WWOX: variants seen among roughly 807,000 people sequenced by gnomAD.
WWOX encodes WW domain containing oxidoreductase.
A neutral mutation model predicts 46.2 loss-of-function variants in WWOX; 69 were observed. The ratio of observed to expected loss-of-function variants is 1.49; its 90% CI spans 1.23 to 1.82. WWOX has a LOEUF of 1.82. Ranked by LOEUF, WWOX falls within the 40% of genes most tolerant of loss-of-function variation. The pLI, the probability that WWOX is intolerant of heterozygous loss-of-function variation, is 0.00. For missense variants in WWOX, 919 were observed against 542.6 expected (o/e 1.69, Z -6.89); for synonymous variants, 359 against 202.6 (o/e 1.77, Z -6.56).
chr16:79,002,404 A>T (rs1293871787), intron 8 of WWOX, among the ~76,000 whole-genome samples: 2 of 151,688 alleles, frequency 1.3e-5, no homozygotes, highest in Non-Finnish European at 2.9e-5. Context: ...TTGTATTTTT[A>T]GTAGAGACAG....
At chr16:78,244,309 A>G (rs1041376433) in intron 5 of WWOX, among the ~76,000 whole-genome samples, 1 of 152,174 alleles carries the variant, frequency 6.6e-6, no homozygotes, top group African/African-American at 2.4e-5. Flanking sequence ...AATGTTAGGG[A>G]TCATAGATGC....
chr16:79,166,984 C>G (rs112877850), intron 8 of WWOX, among the ~76,000 whole-genome samples: 2 of 151,980 alleles, frequency 1.3e-5, no homozygotes, highest in African/African-American at 2.4e-5. Context: ...CTGTGTCATC[C>G]AGGCTGGAGT....
At chr16:78,564,274 G>A (rs1029400610) in intron 8 of WWOX, among the ~76,000 whole-genome samples, 1 of 152,184 alleles carries the variant, frequency 6.6e-6, no homozygotes, top group Non-Finnish European at 1.5e-5. Flanking sequence ...TTGACTCTTC[G>A]GGAGCTGTTG....
chr16:79,054,561 C>T (rs13339251), intron 8 of WWOX, among the ~76,000 whole-genome samples: 14,613 of 152,160 alleles, frequency 0.096, 1,631 homozygotes, highest in African/African-American at 0.27. Context: ...GTGGCTCACA[C>T]CTGTAATCTC....
intron 8 of WWOX, among the ~76,000 whole-genome samples, chr16:78,745,132 G>C (rs532666845): frequency 6.6e-6 from 1 of 152,198 alleles, no homozygotes; most frequent in African/African-American, 2.4e-5. Flanking sequence ...TTAGAGTGGA[G>C]TTTGAATATG....
At chr16:78,629,683 A>G (rs997660430) in intron 8 of WWOX, among the ~76,000 whole-genome samples, 5 of 152,216 alleles carry the variant, frequency 3.3e-5, no homozygotes, top group Admixed American at 2.0e-4. Context: ...GTCTCTGGCT[A>G]GAGTAGTCTT....
intron 8 of WWOX, among the ~76,000 whole-genome samples, chr16:78,513,891 C>A (rs1338423767): frequency 6.9e-6 from 1 of 144,994 alleles, no homozygotes; most frequent in East Asian, 2.0e-4. Context: ...TTACAGTTCC[C>A]ACTCCCCCCC....
chr16:78,309,588 G>T (rs2080199936), intron 5 of WWOX, among the ~76,000 whole-genome samples: 1 of 152,098 alleles, frequency 6.6e-6, no homozygotes. Flanking sequence ...TAAAATCAAG[G>T]TGTAACCCAG....
At chr16:78,369,914 C>G (rs923116518) in intron 5 of WWOX, among the ~76,000 whole-genome samples, 3 of 151,954 alleles carry the variant, frequency 2.0e-5, no homozygotes, top group Admixed American at 6.6e-5. Context: ...GGGAGGATCA[C>G]ATAAGGCCAG....
intron 8 of WWOX, among the ~76,000 whole-genome samples, chr16:78,969,108 C>T (rs924457033): frequency 5.3e-5 from 8 of 152,028 alleles, no homozygotes; most frequent in Admixed American, 2.6e-4. Flanking sequence ...GAGGGAGAAG[C>T]CAGTGGAGCA....
intron 5 of WWOX, among the ~76,000 whole-genome samples, chr16:78,369,847 A>G (rs1200657230): frequency 1.3e-5 from 2 of 152,014 alleles, no homozygotes; most frequent in East Asian, 1.9e-4. Flanking sequence ...AATGGAAACC[A>G]TAAGGGCACG....
At chr16:78,815,978 G>A (rs2051320227) in intron 8 of WWOX, among the ~76,000 whole-genome samples, 1 of 152,180 alleles carries the variant, frequency 6.6e-6, no homozygotes. Context: ...GACCTTGTGT[G>A]TCCTTCCTGG....
At chr16:78,408,913 A>G (rs904833698) in intron 6 of WWOX, among the ~76,000 whole-genome samples, 1 of 151,992 alleles carries the variant, frequency 6.6e-6, no homozygotes. Flanking sequence ...GTAAGCAGGG[A>G]ACAGAAAGTA....
chr16:78,463,680 G>T (rs557082911), intron 8 of WWOX, among the ~76,000 whole-genome samples: 2 of 152,198 alleles, frequency 1.3e-5, no homozygotes, highest in East Asian at 1.9e-4. Flanking sequence ...GTTAGAATCT[G>T]TTGGCTGATA....
At chr16:78,716,447 CA>C (rs1252086626) in intron 8 of WWOX, among the ~76,000 whole-genome samples, 1 of 152,112 alleles carries the variant, frequency 6.6e-6, no homozygotes, top group African/African-American at 2.4e-5. Flanking sequence ...ATGCTCCTGC[CA>C]AATGCTGCCT....
chr16:78,634,267 C>G (rs1441436086), intron 8 of WWOX, among the ~76,000 whole-genome samples: 1 of 152,178 alleles, frequency 6.6e-6, no homozygotes, highest in African/African-American at 2.4e-5. Flanking sequence ...TGACAAGTAT[C>G]TCATTATAAA....
intron 8 of WWOX, among the ~76,000 whole-genome samples, chr16:78,441,833 A>G (rs74030254): frequency 0.016 from 2,389 of 152,146 alleles, 62 homozygotes; most frequent in African/African-American, 0.054. Flanking sequence ...GTAGAAATTA[A>G]AGATTATGAA....
intron 8 of WWOX, among the ~76,000 whole-genome samples, chr16:78,709,815 G>A (rs923821482): frequency 6.0e-5 from 9 of 150,394 alleles, no homozygotes; most frequent in East Asian, 2.0e-4. Context: ...TGCAACCTCC[G>A]TCTTCTGGGT....
chr16:78,742,760 T>G (rs989326559), intron 8 of WWOX, among the ~76,000 whole-genome samples: 2 of 152,196 alleles, frequency 1.3e-5, no homozygotes, highest in East Asian at 1.9e-4. Context: ...CGTGTGAGTT[T>G]CCATCCATCA....
Sources: gnomAD v4.1 joint callset for allele counts (sites outside exome capture counted in the v4.1 genomes callset) on GRCh38, gnomAD v4.1.1 for gene constraint, MANE v1.5 for transcripts, NCBI Gene and HGNC (gene_info 2026-07-23, HGNC 2026-07-21) for gene names.